The following IGFL1 variants were observed in gnomAD, a reference collection of about 807,000 sequenced individuals.
The protein encoded by IGFL1 is insulin growth factor-like family member 1.
Under a neutral mutation model 16.0 loss-of-function variants are expected in IGFL1, and 16 were observed. That is an observed-to-expected ratio of 1.00 (90% CI 0.68 to 1.52). The LOEUF (loss-of-function observed/expected upper bound fraction) is 1.52, where lower values mean the gene tolerates loss of function less well. Ranked by LOEUF, IGFL1 falls within the 40% of genes most tolerant of loss-of-function variation. The pLI is 0.00. For missense variants in IGFL1, 149 were observed against 141.7 expected (o/e 1.05, Z -0.26); for synonymous variants, 59 against 54.0 (o/e 1.09, Z -0.41).
Position 46,230,502 on chromosome 19 carries a change from A to G in IGFL1, c.308A>G (p.Asp103Gly), listed in dbSNP as rs1385500994. Residue 103 changes from aspartate (D) to glycine (G), a missense_variant, in exon 3 of 4, where the codon GAC (aspartate) becomes GGC (glycine). Coordinates refer to ENST00000437936, the MANE Select transcript of IGFL1 (RefSeq NM_198541.2). ...QNCDSARTSD[D>G]RLCRSVS ...TGCGACTCAGCCCGGACCTCGGATG[A>G]CAGGCTTTGTCGCAGGTGAGTCCTG... is the stretch of plus-strand genomic sequence containing the variant. 1 of 1,613,874 alleles carries G rather than the reference A, an allele frequency of 6.2e-7. No individual in the cohort carries two copies. Among genetic ancestry groups the G allele is most frequent in the Non-Finnish European group, 8.5e-7 (1 of 1,179,880 alleles).
At chr19:46,230,048 C>A in intron 1 of IGFL1, 60 bp from the exon 2 acceptor site, 1 of 1,572,650 alleles carries the variant, frequency 6.4e-7, no homozygotes, top group South Asian at 1.1e-5. Context: ...TTCTAAATGT[C>A]AGTGCCAGTC....
In IGFL1 at chr19:46,230,839, C is replaced by A; in HGVS notation, c.*9C>A. On this transcript the variant is annotated 3_prime_UTR_variant, in exon 4 of 4. Transcript: ENST00000437936. The stretch of plus-strand genomic sequence containing the variant: ...TCTCCAGTGTCAGCTAATGGAACAT[C>A]AGGGGAACGATGACTCCTGGATTCT... 6.2e-7 allele frequency: 1 copy of A among 1,610,418 alleles called. No individual in the cohort carries two copies. Among genetic ancestry groups the A allele is most frequent in the Non-Finnish European group, 8.5e-7 (1 of 1,178,278 alleles).
rs1348343575 is a variant in IGFL1, at chr19:46,229,909, C to G, written c.25+110C>G. 6.7e-6 allele frequency: 9 copies of G among 1,351,536 alleles called. No individual in the cohort carries two copies. The Admixed American group carries it at 1.6e-4, about 23-fold the overall frequency. 83.7% of individuals were successfully genotyped at this position (1,351,536 alleles called of 1,614,324 possible). ...CCTCATCCCTGTTCCCATGCCCAGC[C>G]AAATCTCCAGGCGTGAATTGCTCAC... On this transcript the variant is annotated intron_variant, in intron 1 of 3. Coordinates refer to ENST00000437936, the MANE Select transcript of IGFL1 (RefSeq NM_198541.2).
At chr19:46,230,656 C>T (rs933277315) in intron 3 of IGFL1, 139 bp downstream of exon 3, 5 of 1,387,192 alleles carry the variant, frequency 3.6e-6, no homozygotes, top group Non-Finnish European at 5.1e-6. Flanking sequence ...TTTCCCTACA[C>T]CTGTGTCTCC....
chr19:46,230,041 TA>T (rs1005392444), intron 1 of IGFL1, 66 bp from the exon 2 acceptor site: 5 of 1,567,842 alleles, frequency 3.2e-6, no homozygotes, highest in Non-Finnish European at 3.5e-6. Context: ...AGTCTTCTTC[TA>T]AATGTCAGTG....
At position 46,230,934 on chromosome 19, in the gene IGFL1, G is replaced by A; in HGVS notation, c.*104G>A. 2 of 1,190,370 alleles carry A rather than the reference G, an allele frequency of 1.7e-6. No individual in the cohort carries two copies. Among genetic ancestry groups the A allele is most frequent in the Admixed American group, 2.0e-5 (1 of 50,734 alleles). The allele number at this position is 1,190,370 out of a possible 1,614,324, so 73.7% of individuals were successfully genotyped here. A position where few individuals can be genotyped will look rare whatever the true frequency, so the allele number is the denominator to read the frequency against. ...TCTGGGATGCTGAGTGGCTGTTTGGGGGCCAGAGAAACACACACTCAACTG... is the reference window on the plus strand; with the variant it reads ...TCTGGGATGCTGAGTGGCTGTTTGGAGGCCAGAGAAACACACACTCAACTG... On this transcript the variant is annotated 3_prime_UTR_variant, in exon 4 of 4. Coordinates refer to ENST00000437936, the MANE Select transcript of IGFL1 (RefSeq NM_198541.2).
In IGFL1 at chr19:46,230,946, C is replaced by T. The variant is rs1967237072; in HGVS notation, c.*116C>T. ...AGTGGCTGTTTGGGGGCCAGAGAAA[C>T]ACACACTCAACTGCCCACTTCATTC... is the stretch of plus-strand genomic sequence containing the variant. On this transcript the variant is annotated 3_prime_UTR_variant, in exon 4 of 4. Coordinates refer to ENST00000437936, the MANE Select transcript of IGFL1 (RefSeq NM_198541.2). 3 of 1,057,952 alleles carry T rather than the reference C, an allele frequency of 2.8e-6. No homozygotes were observed. The highest frequency in any genetic ancestry group is 2.0e-5 in the Admixed American group (1 of 50,374). 65.5% of individuals were successfully genotyped at this position (1,057,952 alleles called of 1,614,324 possible). A position where few individuals can be genotyped will look rare whatever the true frequency, so the allele number is the denominator to read the frequency against.
In IGFL1 at chr19:46,230,116, G is replaced by C. The variant is rs1967226190; in HGVS notation, c.34G>C (p.Ala12Pro). Residue 12 changes from alanine to proline, a missense_variant, in exon 2 of 4, where the codon GCC becomes CCC. Transcript: ENST00000437936. ...APRGCIVAVFAIFCISRLLCS... is the reference protein window; with the variant it reads ...APRGCIVAVFPIFCISRLLCS... ...CTTTCCCTTTCCCACAGCTGTCTTTGCCATTTTCTGCATCTCCAGGCTCCT... is the reference window on the plus strand; with the variant it reads ...CTTTCCCTTTCCCACAGCTGTCTTTCCCATTTTCTGCATCTCCAGGCTCCT... The C allele has an allele frequency of 6.2e-7, 1 of 1,613,496 alleles. No individual in the cohort carries two copies. Among genetic ancestry groups the C allele is most frequent in the African/African-American group, 1.3e-5 (1 of 74,858 alleles).
chr19:46,230,797 GTCTC>G lies in IGFL1; in HGVS notation c.324-18_324-15del, dbSNP rs762918679. On this transcript the variant is annotated intron_variant, in intron 3 of 3. Coordinates refer to ENST00000437936, the MANE Select transcript of IGFL1 (RefSeq NM_198541.2). The stretch of plus-strand genomic sequence containing the variant: ...TCTGGCCATCTCTGTCCCGCTCAGT[GTCTC>G]TCTCTGTCACTATCTCCAGTGTCAG... 2 of 1,611,298 alleles carry G rather than the reference GTCTC, an allele frequency of 1.2e-6. No homozygotes were observed. The highest frequency in any genetic ancestry group is 2.2e-5 in the East Asian group (1 of 44,852).
At chr19:46,229,967 C>A in intron 1 of IGFL1, 141 bp from the exon 2 acceptor site, 2 of 1,221,856 alleles carry the variant, frequency 1.6e-6, no homozygotes, top group African/African-American at 1.5e-5. Flanking sequence ...CCAGATCAGC[C>A]CCATCCACAG....
At position 46,230,305 on chromosome 19, in the gene IGFL1, C is replaced by T. The variant is rs777760488; in HGVS notation, c.111C>T (p.Cys37=). The change falls in exon 3 of 4, where the codon TGC becomes TGT. Residue 37 remains cysteine (C), a synonymous_variant. Transcript: ENST00000437936. ...VAPMTPYLML[C]QPHKRCGDKF... ...CCATGACTCCTTACCTGATGCTGTG[C>T]CAGCCACACAAGAGATGTGGGGACA... 1.2e-6 allele frequency: 2 copies of T among 1,613,952 alleles called. No individual in the cohort carries two copies. Among genetic ancestry groups the T allele is most frequent in the South Asian group, 2.2e-5 (2 of 91,078 alleles).
At chr19:46,229,879 C>T (rs1367232305) in intron 1 of IGFL1, 80 bp downstream of exon 1, 2 of 1,478,944 alleles carry the variant, frequency 1.4e-6, no homozygotes, top group East Asian at 4.8e-5. Flanking sequence ...CTACCCCAAA[C>T]TACACCTCAT....
At chr19:46,230,540 G>T in intron 3 of IGFL1, 23 bp downstream of exon 3, 12 of 1,611,524 alleles carry the variant, frequency 7.4e-6, no homozygotes, top group Non-Finnish European at 1.0e-5. Context: ...CCCTCCGTGG[G>T]ATTGTGGGTG....
chr19:46,230,274 T>C lies in IGFL1; in HGVS notation c.80T>C (p.Val27Ala), dbSNP rs766720520. 7 of 1,613,808 alleles carry C rather than the reference T, an allele frequency of 4.3e-6. No individual in the cohort carries two copies. The Middle Eastern group carries it at 4.9e-4, about 114-fold the overall frequency. The change falls in exon 3 of 4, where the codon GTG (valine) becomes GCG (alanine). Residue 27 changes from valine to alanine, a missense_variant and splice_region_variant. Val to Ala is a moderately conservative substitution (Grantham distance 64, BLOSUM62 0). Coordinates refer to ENST00000437936, the MANE Select transcript of IGFL1 (RefSeq NM_198541.2). ...ATCTCACCAGCTCTGTCTCCTCCAG[T>C]GGCCCCCATGACTCCTTACCTGATG... ...SRLLCSHGAP[V>A]APMTPYLMLC...
chr19:46,230,055 A>C, intron 1 of IGFL1, 53 bp from the exon 2 acceptor site: 3 of 1,585,432 alleles, frequency 1.9e-6, no homozygotes, highest in Non-Finnish European at 2.6e-6. Context: ...TGTCAGTGCC[A>C]GTCATATCTG....
Position 46,230,283 on chromosome 19 carries a change from T to C in IGFL1, c.89T>C (p.Met30Thr), listed in dbSNP as rs781448791. 3.1e-6 allele frequency: 5 copies of C among 1,613,960 alleles called. No homozygotes were observed. In the South Asian group the frequency reaches 5.5e-5, roughly 18 times the overall value. Reference sequence around the variant, plus strand: ...GCTCTGTCTCCTCCAGTGGCCCCCATGACTCCTTACCTGATGCTGTGCCAG... The same window carrying C: ...GCTCTGTCTCCTCCAGTGGCCCCCACGACTCCTTACCTGATGCTGTGCCAG... ...LCSHGAPVAP[M>T]TPYLMLCQPH... The change falls in exon 3 of 4, where the codon ATG (methionine) becomes ACG (threonine). Residue 30 changes from methionine (M) to threonine (T), a missense_variant. By Grantham distance (81) the Met-to-Thr change is moderately conservative. Transcript: ENST00000437936.
rs569307881 is a variant in IGFL1 at position 46,229,894 on chromosome 19, G to A, written c.25+95G>A. The stretch of plus-strand genomic sequence containing the variant: ...CTACCCCAAACTACACCTCATCCCT[G>A]TTCCCATGCCCAGCCAAATCTCCAG... On this transcript the variant is annotated intron_variant, in intron 1 of 3. Coordinates refer to ENST00000437936, the MANE Select transcript of IGFL1 (RefSeq NM_198541.2). The A allele has an allele frequency of 3.5e-6, 5 of 1,423,306 alleles. No homozygotes were observed. The South Asian group carries it at 4.9e-5, about 14-fold the overall frequency. The allele number at this position is 1,423,306 out of a possible 1,614,324, so 88.2% of individuals were successfully genotyped here. A position where few individuals can be genotyped will look rare whatever the true frequency, so the allele number is the denominator to read the frequency against.
In IGFL1 at chr19:46,230,890, A is replaced by T. The variant is rs1321075501; in HGVS notation, c.*60A>T. ...CCTTCCTGGGTGGGCCTGGAGAAAGAGGCTGGTGTTACCTGAGATCTGGGA... is the reference window on the plus strand; with the variant it reads ...CCTTCCTGGGTGGGCCTGGAGAAAGTGGCTGGTGTTACCTGAGATCTGGGA... On this transcript the variant is annotated 3_prime_UTR_variant, in exon 4 of 4. Transcript: ENST00000437936. The T allele has an allele frequency of 6.5e-7, 1 of 1,538,058 alleles. No individual in the cohort carries two copies. Among genetic ancestry groups the T allele is most frequent in the Non-Finnish European group, 8.9e-7 (1 of 1,121,356 alleles).
In IGFL1 at chr19:46,230,514, G is replaced by A. The variant is rs201835804; in HGVS notation, c.320G>A (p.Arg107His). The A allele has an allele frequency of 5.2e-5, 84 of 1,613,722 alleles. No homozygotes were observed. The Admixed American group carries it at 8.0e-4, about 15-fold the overall frequency. The change falls in exon 3 of 4, where the codon CGC becomes CAC. Residue 107 changes from arginine to histidine, a missense_variant. Transcript: ENST00000437936. Reference sequence around the variant, plus strand: ...CGGACCTCGGATGACAGGCTTTGTCGCAGGTGAGTCCTGTCCCCTCCGTGG... The same window carrying A: ...CGGACCTCGGATGACAGGCTTTGTCACAGGTGAGTCCTGTCCCCTCCGTGG... ...SARTSDDRLC[R>H]SVS
Sources: allele counts gnomAD v4.1 joint callset, GRCh38; gene constraint gnomAD v4.1.1; transcripts MANE v1.5; gene names NCBI Gene and HGNC (gene_info 2026-07-23, HGNC 2026-07-21).